The following RERE variants were observed in gnomAD, a reference collection of about 807,000 sequenced individuals.
The protein encoded by RERE is arginine-glutamic acid dipeptide repeats.
A neutral mutation model predicts 146.1 loss-of-function variants in RERE; 40 were observed. That is an observed-to-expected ratio of 0.27 (90% CI 0.21 to 0.36). RERE has a LOEUF of 0.36. RERE is among the 10% of genes least tolerant of loss of function. The probability of loss-of-function intolerance (pLI) is 1.00; values close to 1 mark genes in which losing one functional copy is unlikely to be tolerated. For missense variants in RERE, 1,933 were observed against 2,138.7 expected, an observed-to-expected ratio of 0.90 and a Z score of 1.90; for synonymous variants, 1,003 against 866.0, an observed-to-expected ratio of 1.16 and a Z score of -2.78.
intron 11 of RERE, among the ~76,000 whole-genome samples, chr1:8,449,096 G>A (rs1274079353): frequency 6.6e-6 from 1 of 152,206 alleles, no homozygotes; most frequent in Non-Finnish European, 1.5e-5. Flanking sequence ...CTGAATCCAG[G>A]CCGGCTGGAA....
At chr1:8,784,030 G>A (rs934044021) in intron 1 of RERE, among the ~76,000 whole-genome samples, 14 of 152,134 alleles carry the variant, frequency 9.2e-5, no homozygotes, top group African/African-American at 2.9e-4. Flanking sequence ...CACAACTGTG[G>A]CACAATAAAT....
At chr1:8,433,784 T>A in intron 11 of RERE, among the ~76,000 whole-genome samples, 1 of 151,754 alleles carries the variant, frequency 6.6e-6, no homozygotes. Flanking sequence ...ATGGTCTCGA[T>A]CTCCTGACCT....
At chr1:8,372,334 G>A (rs989020635) in intron 12 of RERE, among the ~76,000 whole-genome samples, 2 of 151,998 alleles carry the variant, frequency 1.3e-5, no homozygotes, top group African/African-American at 4.8e-5. Context: ...AAGCATAAGG[G>A]TACACCCAAG....
intron 1 of RERE, among the ~76,000 whole-genome samples, chr1:8,764,029 G>A (rs1196671511): frequency 1.3e-5 from 2 of 151,990 alleles, no homozygotes; most frequent in Admixed American, 6.6e-5. Context: ...CTAACTCAAG[G>A]TCAAGAAGAC....
At chr1:8,719,959 C>T (rs1272848586) in intron 1 of RERE, among the ~76,000 whole-genome samples, 2 of 152,132 alleles carry the variant, frequency 1.3e-5, no homozygotes, top group African/African-American at 4.8e-5. Flanking sequence ...ATTCCCAAAT[C>T]TTCCTGAATA....
At chr1:8,786,795 C>A (rs1641267538) in intron 1 of RERE, 1 of 802,446 alleles carries the variant, frequency 1.2e-6, no homozygotes, top group Non-Finnish European at 2.2e-6. Flanking sequence ...CATAAATAAG[C>A]TCCCTCCTTG....
chr1:8,692,708 A>T (rs984286942), intron 1 of RERE, among the ~76,000 whole-genome samples: 5 of 152,134 alleles, frequency 3.3e-5, no homozygotes, highest in Admixed American at 1.3e-4. Context: ...TATAAACGCT[A>T]TATTTTTTAA....
rs1472228544 is a variant in RERE, at chr1:8,352,536, A to G, written c.*2551T>C. On this transcript the variant is annotated 3_prime_UTR_variant, in exon 23 of 23. Coordinates refer to ENST00000400908, the MANE Select transcript of RERE (RefSeq NM_001042681.2). Reference sequence around the variant, plus strand: ...ACACTGTGTTATCTCATGGCAAACTACTCATATATACATTTAGCTTCAAGA... The same window carrying G: ...ACACTGTGTTATCTCATGGCAAACTGCTCATATATACATTTAGCTTCAAGA... 2.6e-5 allele frequency: 4 copies of G among 152,390 alleles called. No individual in the cohort carries two copies. Among genetic ancestry groups the G allele is most frequent in the Non-Finnish European group, 5.9e-5 (4 of 68,026 alleles). 9.4% of individuals were successfully genotyped at this position (152,390 alleles called of 1,614,324 possible). A position where few individuals can be genotyped will look rare whatever the true frequency, so the allele number is the denominator to read the frequency against.
At chr1:8,410,717 T>C (rs1006496597) in intron 12 of RERE, among the ~76,000 whole-genome samples, 15 of 152,176 alleles carry the variant, frequency 9.9e-5, no homozygotes, top group African/African-American at 3.6e-4. Context: ...TTCAAAGAGC[T>C]TGAAGCCCCA....
chr1:8,564,441 A>G (rs1202202397), intron 4 of RERE, among the ~76,000 whole-genome samples: 2 of 152,160 alleles, frequency 1.3e-5, no homozygotes, highest in Admixed American at 1.3e-4. Context: ...GCCTGTCACA[A>G]AGGTCAGATG....
At chr1:8,647,620 G>A (rs538514325) in intron 2 of RERE, among the ~76,000 whole-genome samples, 1 of 147,364 alleles carries the variant, frequency 6.8e-6, no homozygotes, top group Admixed American at 6.9e-5. Context: ...CAGATCAAAT[G>A]AGCTTCTATT....
chr1:8,571,209 A>C (rs1646217359), intron 4 of RERE, among the ~76,000 whole-genome samples: 1 of 152,242 alleles, frequency 6.6e-6, no homozygotes, highest in South Asian at 2.1e-4. Context: ...GGCATCATTA[A>C]ACAAAACCTT....
At chr1:8,391,659 C>T (rs72636930) in intron 12 of RERE, among the ~76,000 whole-genome samples, 10,831 of 152,248 alleles carry the variant, frequency 0.071, 589 homozygotes, top group Non-Finnish European at 0.1. Flanking sequence ...TCTCATAATA[C>T]TCAGCAGATT....
At chr1:8,483,377 T>G (rs563930773) in intron 10 of RERE, among the ~76,000 whole-genome samples, 2 of 152,194 alleles carry the variant, frequency 1.3e-5, no homozygotes, top group Non-Finnish European at 2.9e-5. Flanking sequence ...TATTCCACAT[T>G]CAAGTCATAA....
chr1:8,664,452 G>A (rs771072761), intron 1 of RERE, among the ~76,000 whole-genome samples: 2 of 152,130 alleles, frequency 1.3e-5, no homozygotes, highest in Non-Finnish European at 2.9e-5. Flanking sequence ...ACAAGTACAT[G>A]TCTACCAGAT....
At chr1:8,673,094 CATTT>C (rs1010612632) in intron 1 of RERE, among the ~76,000 whole-genome samples, 1 of 151,898 alleles carries the variant, frequency 6.6e-6, no homozygotes, top group Non-Finnish European at 1.5e-5. Flanking sequence ...GAGCCTAATT[CATTT>C]ATTTATTTAT....
intron 3 of RERE, among the ~76,000 whole-genome samples, chr1:8,620,997 A>G (rs1646909500): frequency 6.6e-6 from 1 of 151,806 alleles, no homozygotes; most frequent in South Asian, 2.1e-4. Flanking sequence ...GCCTCCACCT[A>G]CCCTGTGGAA....
chr1:8,729,088 C>T lies in RERE; in HGVS notation c.-144-72647G>A, dbSNP rs369472981. On this transcript the variant is annotated intron_variant, in intron 1 of 22. Transcript: ENST00000400908. ...GCTGAGGCAGAGAATCGTTTGAACCCGGGAGGTGGAAGCTGCGGTGAGCTG... is the reference window on the plus strand; with the variant it reads ...GCTGAGGCAGAGAATCGTTTGAACCTGGGAGGTGGAAGCTGCGGTGAGCTG... Among the ~76,000 whole-genome samples, 30 of 151,960 alleles carry T rather than the reference C, an allele frequency of 2.0e-4. No individual in the cohort carries two copies. In the East Asian group the frequency reaches 3.7e-3, roughly 19 times the overall value.
intron 4 of RERE, among the ~76,000 whole-genome samples, chr1:8,568,566 A>T (rs974660104): frequency 1.2e-4 from 18 of 152,246 alleles, no homozygotes; most frequent in African/African-American, 4.1e-4. Context: ...TCTTATAAAA[A>T]CCAGGTTGGC....
Sources: allele counts gnomAD v4.1 joint callset (sites outside exome capture counted in the v4.1 genomes callset), GRCh38; gene constraint gnomAD v4.1.1; transcripts MANE v1.5; gene names NCBI Gene and HGNC (gene_info 2026-07-23, HGNC 2026-07-21).